The following AKR1E2 variants were observed in gnomAD, a reference collection of about 807,000 sequenced individuals.
AKR1E2 encodes aldo-keto reductase family 1 member E2.
A neutral mutation model predicts 41.9 loss-of-function variants in AKR1E2; 43 were observed. The ratio of observed to expected loss-of-function variants is 1.03; its 90% CI spans 0.80 to 1.32. The LOEUF is 1.32. Among genes scored for constraint, AKR1E2 ranks in the 40% most tolerant of loss-of-function variants. The pLI, the probability that AKR1E2 is intolerant of heterozygous loss-of-function variation, is 0.00. For synonymous variants in AKR1E2, 121 were observed against 138.9 expected (o/e 0.87, Z 0.91); for missense variants, 423 against 396.5 (o/e 1.07, Z -0.57).
chr10:4,827,151 G>T (rs913975881), intron 1 of AKR1E2, among the ~76,000 whole-genome samples: 1 of 151,378 alleles, frequency 6.6e-6, no homozygotes. Flanking sequence ...GGGATCTCAT[G>T]TTGTTCCCTG....
At chr10:4,860,840 C>A in the AKR1E2 span, among the ~76,000 whole-genome samples, 6 of 152,022 alleles carry the variant, frequency 3.9e-5, no homozygotes, top group African/African-American at 1.4e-4. Flanking sequence ...GAAATGTGAA[C>A]CTTGGGATTC....
At chr10:4,841,909 A>G (rs769320350) in intron 7 of AKR1E2, 52 bp downstream of exon 7, 2 of 1,542,458 alleles carry the variant, frequency 1.3e-6, no homozygotes, top group Non-Finnish European at 1.8e-6. Context: ...ACCGCTCTAC[A>G]TCCTTGGGGA....
the AKR1E2 span, among the ~76,000 whole-genome samples, chr10:4,864,819 A>C: frequency 6.6e-6 from 1 of 152,252 alleles, no homozygotes; most frequent in Non-Finnish European, 1.5e-5. Context: ...CCAATAACAG[A>C]GTAAGTGAAT....
intron 8 of AKR1E2, among the ~76,000 whole-genome samples, chr10:4,842,766 T>C (rs1382802627): frequency 5.9e-5 from 9 of 152,150 alleles, no homozygotes; most frequent in African/African-American, 2.2e-4. Context: ...AGCATCTTGT[T>C]GGGATGATTT....
At chr10:4,854,697 A>G in the AKR1E2 span, among the ~76,000 whole-genome samples, 1 of 152,142 alleles carries the variant, frequency 6.6e-6, no homozygotes, top group African/African-American at 2.4e-5. Flanking sequence ...GACTTTGGGT[A>G]AGTGGGGTGT....
Position 4,833,334 on chromosome 10 carries a change from C to T in AKR1E2, c.208-16C>T. 6.2e-7 allele frequency: 1 copy of T among 1,605,690 alleles called. No individual in the cohort carries two copies. The highest frequency in any genetic ancestry group is 8.5e-7 in the Non-Finnish European group (1 of 1,172,386). On this transcript the variant is annotated splice_polypyrimidine_tract_variant and intron_variant, in intron 2 of 9. Coordinates refer to ENST00000298375, the MANE Select transcript of AKR1E2 (RefSeq NM_001040177.3). ...CTGGGTGGGCACGTGTGACGCTGGT[C>T]CCCTCTCCTTTGTAGCTGTGGTGCA...
the AKR1E2 span, among the ~76,000 whole-genome samples, chr10:4,863,256 C>T: frequency 6.6e-6 from 1 of 152,210 alleles, no homozygotes; most frequent in Non-Finnish European, 1.5e-5. Context: ...TTATAACAAA[C>T]TGTCTCTCAG....
intron 6 of AKR1E2, 65 bp from the exon 7 acceptor site, chr10:4,841,720 T>C: frequency 1.6e-6 from 2 of 1,230,152 alleles, no homozygotes; most frequent in Non-Finnish European, 2.2e-6. Context: ...AGATTTCTTC[T>C]TTCTAAAGAA....
the AKR1E2 span, among the ~76,000 whole-genome samples, chr10:4,854,924 A>G: frequency 1.3e-5 from 2 of 152,132 alleles, no homozygotes; most frequent in African/African-American, 4.8e-5. Context: ...GTTAACTGCT[A>G]TTGTCTTTGG....
chr10:4,859,382 A>T, the AKR1E2 span, among the ~76,000 whole-genome samples: 2 of 152,334 alleles, frequency 1.3e-5, no homozygotes, highest in South Asian at 4.1e-4. Context: ...GCCAAGAGGC[A>T]GGGAGGAAGA....
In AKR1E2 at chr10:4,835,732, C is replaced by T; in HGVS notation, c.382C>T (p.Pro128Ser). The T allele has an allele frequency of 6.2e-7, 1 of 1,614,202 alleles. No individual in the cohort carries two copies. The highest frequency in any genetic ancestry group is 8.5e-7 in the Non-Finnish European group (1 of 1,180,046). ...CSELSFCLSHPRVQDLPLDES... is the reference protein window; with the variant it reads ...CSELSFCLSHSRVQDLPLDES... ...TGAACTTTCCTTCTGCCTCTCACAT[C>T]CTCGAGTGCAGGACTTGCCTCTGGA... The change falls in exon 4 of 10, where the codon CCT becomes TCT. Residue 128 changes from proline (P) to serine (S), a missense_variant. Physicochemically the swap from Pro to Ser is moderately conservative, Grantham distance 74. Coordinates refer to ENST00000298375, the MANE Select transcript of AKR1E2 (RefSeq NM_001040177.3).
chr10:4,826,376 C>G lies in AKR1E2; in HGVS notation c.39+13C>G, dbSNP rs1192958556. The G allele has an allele frequency of 8.1e-7, 1 of 1,233,628 alleles. No individual in the cohort carries two copies. The highest frequency in any genetic ancestry group is 1.0e-6 in the Non-Finnish European group (1 of 987,216). The allele number at this position is 1,233,628 out of a possible 1,614,324, so 76.4% of individuals were successfully genotyped here. On this transcript the variant is annotated intron_variant, in intron 1 of 9. Transcript: ENST00000298375. ...CAGCTCCTGGAAGGTGACGCGGTCGCGGGCAGGGAGGCGCGCCTGACCTAG... is the reference window on the plus strand; with the variant it reads ...CAGCTCCTGGAAGGTGACGCGGTCGGGGGCAGGGAGGCGCGCCTGACCTAG...
chr10:4,841,908 C>A (rs749784031), intron 7 of AKR1E2, 51 bp downstream of exon 7: 1 of 1,560,258 alleles, frequency 6.4e-7, no homozygotes. Context: ...GACCGCTCTA[C>A]ATCCTTGGGG....
At chr10:4,866,155 C>T in the AKR1E2 span, among the ~76,000 whole-genome samples, 1 of 152,146 alleles carries the variant, frequency 6.6e-6, no homozygotes, top group Non-Finnish European at 1.5e-5. Flanking sequence ...CAAAGTGATC[C>T]TCTTTATCAT....
At chr10:4,872,602 T>C in the AKR1E2 span, among the ~76,000 whole-genome samples, 2 of 152,172 alleles carry the variant, frequency 1.3e-5, no homozygotes, top group Non-Finnish European at 2.9e-5. Flanking sequence ...CCTGCCTGCA[T>C]CTCCACTCTC....
chr10:4,866,451 A>G, the AKR1E2 span, among the ~76,000 whole-genome samples: 1 of 152,174 alleles, frequency 6.6e-6, no homozygotes. Flanking sequence ...CTATATAGTA[A>G]GTTATCACAA....
At chr10:4,829,533 CTG>C (rs544522609) in intron 1 of AKR1E2, among the ~76,000 whole-genome samples, 32 of 152,100 alleles carry the variant, frequency 2.1e-4, no homozygotes, top group African/African-American at 2.9e-4. Flanking sequence ...GTTTGAAAGT[CTG>C]TGTTAAACTG....
At chr10:4,860,045 C>T in the AKR1E2 span, among the ~76,000 whole-genome samples, 1 of 152,142 alleles carries the variant, frequency 6.6e-6, no homozygotes, top group Non-Finnish European at 1.5e-5. Context: ...TATCTATTGT[C>T]AGCAAGTATG....
intron 8 of AKR1E2, chr10:4,845,916 A>C: frequency 2.2e-6 from 1 of 461,638 alleles, no homozygotes; most frequent in Non-Finnish European, 4.4e-6. Flanking sequence ...GGCCGGAGGA[A>C]GTGCTTATGC....
Sources: allele counts gnomAD v4.1 joint callset (sites outside exome capture counted in the v4.1 genomes callset), GRCh38; gene constraint gnomAD v4.1.1; transcripts MANE v1.5; gene names NCBI Gene and HGNC (gene_info 2026-07-23, HGNC 2026-07-21).